Variants in MACROD2 observed in about 807,000 individuals in gnomAD.
MACROD2 encodes ADP-ribose glycohydrolase MACROD2.
In MACROD2, 36 loss-of-function variants were observed where a neutral mutation model predicts 70.4. That is an observed-to-expected ratio of 0.51 (90% CI 0.39 to 0.68). The LOEUF (loss-of-function observed/expected upper bound fraction) is 0.68, where lower values mean the gene tolerates loss of function less well. MACROD2 is among the 30% of genes least tolerant of loss of function. The pLI is 0.00. For missense variants in MACROD2, 496 were observed against 538.4 expected, an observed-to-expected ratio of 0.92 and a Z score of 0.78; for synonymous variants, 172 against 178.8, an observed-to-expected ratio of 0.96 and a Z score of 0.30.
chr20:14,130,937 T>G (rs1330653004), intron 3 of MACROD2, among the ~76,000 whole-genome samples: 1 of 150,548 alleles, frequency 6.6e-6, no homozygotes, highest in Non-Finnish European at 1.5e-5. Context: ...TTTGTTTTTT[T>G]TTTTTTTTCT....
At chr20:15,669,659 C>T (rs77931401) in intron 8 of MACROD2, among the ~76,000 whole-genome samples, 5,361 of 152,182 alleles carry the variant, frequency 0.035, 308 homozygotes, top group African/African-American at 0.12. Flanking sequence ...ATGGAGAGAA[C>T]GGGTATCATT....
chr20:15,822,762 C>T (rs966002133), intron 8 of MACROD2, among the ~76,000 whole-genome samples: 7 of 151,802 alleles, frequency 4.6e-5, no homozygotes, highest in Non-Finnish European at 8.8e-5. Context: ...TGGCCTTTTG[C>T]GGGAGGAAGA....
intron 3 of MACROD2, among the ~76,000 whole-genome samples, chr20:14,193,446 C>T (rs2081404545): frequency 6.6e-6 from 1 of 152,290 alleles, no homozygotes; most frequent in South Asian, 2.1e-4. Flanking sequence ...CACAGTTCAG[C>T]TTAGATAGCT....
chr20:14,305,583 A>G (rs951412007), intron 3 of MACROD2, among the ~76,000 whole-genome samples: 2 of 152,162 alleles, frequency 1.3e-5, no homozygotes, highest in Non-Finnish European at 2.9e-5. Context: ...TCCACCATCT[A>G]TAGTAGAGCA....
intron 2 of MACROD2, among the ~76,000 whole-genome samples, chr20:14,057,048 G>T (rs186543776): frequency 3.3e-5 from 5 of 152,018 alleles, no homozygotes; most frequent in Non-Finnish European, 4.4e-5. Flanking sequence ...TTATCATGTG[G>T]ATATCCAAAT....
At chr20:15,234,267 C>G (rs1198518741) in intron 6 of MACROD2, among the ~76,000 whole-genome samples, 2 of 149,588 alleles carry the variant, frequency 1.3e-5, no homozygotes, top group Non-Finnish European at 3.0e-5. Flanking sequence ...CTCCTGACCT[C>G]GTGATCCGCC....
chr20:14,415,174 C>A (rs761932743), intron 3 of MACROD2, among the ~76,000 whole-genome samples: 1 of 151,878 alleles, frequency 6.6e-6, no homozygotes, highest in Non-Finnish European at 1.5e-5. Flanking sequence ...AATAAAAACA[C>A]GAAAGGAAGT....
chr20:14,847,648 A>T (rs1049961778), intron 5 of MACROD2, among the ~76,000 whole-genome samples: 2 of 152,126 alleles, frequency 1.3e-5, no homozygotes, highest in African/African-American at 4.8e-5. Context: ...CCCTTTTAAA[A>T]AAAAATTGTT....
chr20:14,078,102 A>G (rs1042820021), intron 2 of MACROD2, among the ~76,000 whole-genome samples: 3 of 151,660 alleles, frequency 2.0e-5, no homozygotes, highest in Non-Finnish European at 4.4e-5. Context: ...GGGTTTCTCC[A>G]TGTTGGTCAG....
intron 6 of MACROD2, among the ~76,000 whole-genome samples, chr20:15,407,858 C>T (rs2046025157): frequency 6.6e-6 from 1 of 152,174 alleles, no homozygotes; most frequent in Admixed American, 6.5e-5. Flanking sequence ...TACAGATTAG[C>T]TAGTGCAACC....
chr20:14,180,630 G>T (rs1260026239), intron 3 of MACROD2, among the ~76,000 whole-genome samples: 1 of 151,958 alleles, frequency 6.6e-6, no homozygotes, highest in Non-Finnish European at 1.5e-5. Context: ...AAAACTGCCA[G>T]AGAAAAGTAA....
At chr20:14,165,529 A>C (rs528433415) in intron 3 of MACROD2, among the ~76,000 whole-genome samples, 1 of 152,318 alleles carries the variant, frequency 6.6e-6, no homozygotes, top group African/African-American at 2.4e-5. Context: ...TTTGTGGAAG[A>C]GAAGAGTACC....
intron 5 of MACROD2, among the ~76,000 whole-genome samples, chr20:14,851,481 G>A (rs566648701): frequency 1.0e-3 from 152 of 152,188 alleles, no homozygotes; most frequent in Non-Finnish European, 1.8e-3. Context: ...CCTGGTAGAT[G>A]GTTTCCATGG....
intron 10 of MACROD2, among the ~76,000 whole-genome samples, chr20:15,886,634 T>C (rs1360693639): frequency 6.6e-6 from 1 of 152,130 alleles, no homozygotes; most frequent in Non-Finnish European, 1.5e-5. Context: ...CCACTTGTTA[T>C]GAGGAAAATC....
At chr20:15,235,562 G>C (rs532817188) in intron 6 of MACROD2, among the ~76,000 whole-genome samples, 23 of 152,312 alleles carry the variant, frequency 1.5e-4, no homozygotes, top group African/African-American at 5.5e-4. Flanking sequence ...TTGGAATTCT[G>C]CATTTAGTTG....
intron 3 of MACROD2, among the ~76,000 whole-genome samples, chr20:14,230,148 C>G (rs373791358): frequency 6.6e-6 from 1 of 152,036 alleles, no homozygotes; most frequent in Non-Finnish European, 1.5e-5. Flanking sequence ...GTGATGGTTG[C>G]TGAAGGTTAG....
At chr20:15,100,206 G>C (rs771547208) in intron 5 of MACROD2, among the ~76,000 whole-genome samples, 1 of 152,002 alleles carries the variant, frequency 6.6e-6, no homozygotes, top group Admixed American at 6.6e-5. Context: ...CAAAATGCTG[G>C]GATCTGTAGC....
intron 8 of MACROD2, among the ~76,000 whole-genome samples, chr20:15,777,825 A>G (rs1383458104): frequency 6.6e-6 from 1 of 151,984 alleles, no homozygotes; most frequent in Non-Finnish European, 1.5e-5. Flanking sequence ...TTGTATTTTT[A>G]GTAGAGACAG....
intron 5 of MACROD2, among the ~76,000 whole-genome samples, chr20:15,129,131 G>T (rs570744157): frequency 6.6e-6 from 1 of 151,866 alleles, no homozygotes; most frequent in South Asian, 2.1e-4. Context: ...AAAAATAATT[G>T]GTTAGATGAA....
Sources: allele counts gnomAD v4.1 joint callset (sites outside exome capture counted in the v4.1 genomes callset), GRCh38; gene constraint gnomAD v4.1.1; transcripts MANE v1.5; gene names NCBI Gene and HGNC (gene_info 2026-07-23, HGNC 2026-07-21).